The following UTRN variants were observed in gnomAD, a reference collection of about 807,000 sequenced individuals.
UTRN encodes utrophin, also known as dystrophin-related protein 1.
UTRN carries 283 observed loss-of-function variants against 463.9 expected under a neutral mutation model. The observed-to-expected ratio is 0.61, with a 90% confidence interval of 0.55 to 0.67. The LOEUF (loss-of-function observed/expected upper bound fraction) is 0.67, where lower values mean the gene tolerates loss of function less well. Ranked by LOEUF, UTRN falls within the 30% of genes least tolerant of loss-of-function variation. UTRN has a pLI of 0.00. For missense variants in UTRN, 3,922 were observed against 4,084.3 expected (o/e 0.96, Z 1.08); for synonymous variants, 1,442 against 1,431.5 (o/e 1.01, Z -0.17).
At chr6:144,417,409 T>C (rs1784444666) in intron 3 of UTRN, among the ~76,000 whole-genome samples, 1 of 152,206 alleles carries the variant, frequency 6.6e-6, no homozygotes, top group African/African-American at 2.4e-5. Context: ...CCACATCAGT[T>C]TCTTCGCCTG....
chr6:144,569,848 C>A (rs373610732), intron 50 of UTRN, among the ~76,000 whole-genome samples: 1 of 152,066 alleles, frequency 6.6e-6, no homozygotes, highest in Admixed American at 6.6e-5. Flanking sequence ...TGTGATTTGA[C>A]GACTTTACCT....
At chr6:144,416,012 C>T (rs1412506938) in intron 3 of UTRN, among the ~76,000 whole-genome samples, 1 of 151,890 alleles carries the variant, frequency 6.6e-6, no homozygotes, top group African/African-American at 2.4e-5. Flanking sequence ...GATGTATTTG[C>T]AATTAATCAT....
chr6:144,748,126 G>A lies in UTRN; in HGVS notation c.7940-120G>A. ...CTTACCCTGGACAATTTTTACCCTG[G>A]AGTAATTTTTTCTTACTTTTTCTCC... On this transcript the variant is annotated intron_variant, in intron 54 of 74. Coordinates refer to ENST00000367545, the MANE Select transcript of UTRN (RefSeq NM_007124.3). 4.7e-6 allele frequency: 6 copies of A among 1,286,580 alleles called. No homozygotes were observed. In the South Asian group the frequency reaches 8.2e-5, roughly 18 times the overall value. 79.7% of individuals were successfully genotyped at this position (1,286,580 alleles called of 1,614,324 possible). A position where few individuals can be genotyped will look rare whatever the true frequency, so the allele number is the denominator to read the frequency against.
At chr6:144,337,694 A>G (rs534085348) in intron 2 of UTRN, among the ~76,000 whole-genome samples, 43 of 152,216 alleles carry the variant, frequency 2.8e-4, no homozygotes, top group Admixed American at 2.1e-3. Flanking sequence ...AGCCCACTGC[A>G]ACCTCTGCCT....
intron 23 of UTRN, among the ~76,000 whole-genome samples, chr6:144,471,825 A>G (rs1790690870): frequency 6.6e-6 from 1 of 152,262 alleles, no homozygotes; most frequent in Non-Finnish European, 1.5e-5. Flanking sequence ...AGAAGTGCTT[A>G]GACAGGATGG....
intron 2 of UTRN, among the ~76,000 whole-genome samples, chr6:144,317,239 A>G (rs1775338978): frequency 6.6e-6 from 1 of 152,178 alleles, no homozygotes; most frequent in Non-Finnish European, 1.5e-5. Context: ...CTTCAGCTAC[A>G]TGTGATAATC....
intron 51 of UTRN, among the ~76,000 whole-genome samples, chr6:144,589,377 A>G (rs1051136141): frequency 1.5e-4 from 23 of 152,184 alleles, no homozygotes; most frequent in African/African-American, 5.5e-4. Flanking sequence ...ACAATATTAT[A>G]TTATCTTGTG....
rs147813824 is a variant in UTRN at position 144,431,526 on chromosome 6, C to T, written c.855+1785C>T. ...CTGCCCTGTTCTTTCTACAAACATA[C>T]GCTGGTGGTCAATGAATAATTCCTG... On this transcript the variant is annotated intron_variant, in intron 9 of 74. Coordinates refer to ENST00000367545, the MANE Select transcript of UTRN (RefSeq NM_007124.3). Among the ~76,000 whole-genome samples, 380 of 152,322 alleles carry T rather than the reference C, an allele frequency of 2.5e-3. 2 individuals carry two copies. The highest frequency in any genetic ancestry group is 8.5e-3 in the African/African-American group (353 of 41,570).
At chr6:144,300,385 C>T (rs1005697307) in intron 2 of UTRN, among the ~76,000 whole-genome samples, 14 of 152,170 alleles carry the variant, frequency 9.2e-5, no homozygotes, top group Non-Finnish European at 1.0e-4. Flanking sequence ...CCATGGTTCC[C>T]GGCCTCTTGT....
intron 58 of UTRN, among the ~76,000 whole-genome samples, chr6:144,768,955 TTTG>T (rs1793678843): frequency 1.0e-4 from 13 of 127,854 alleles, no homozygotes; most frequent in African/African-American, 2.8e-4. Flanking sequence ...TTTGTTTTGT[TTTG>T]TTTTTTTTTT....
chr6:144,543,653 A>G (rs1401843783), intron 46 of UTRN, among the ~76,000 whole-genome samples: 4 of 150,576 alleles, frequency 2.7e-5, no homozygotes, highest in Admixed American at 2.0e-4. Flanking sequence ...TCCACCTTCT[A>G]CTTTCTACCT....
rs554652296 is a variant in UTRN at position 144,524,886 on chromosome 6, A to G, written c.5906+1698A>G. Among the ~76,000 whole-genome samples, 12 of 152,304 alleles carry G rather than the reference A, an allele frequency of 7.9e-5. No homozygotes were observed. The East Asian group carries it at 2.3e-3, about 29-fold the overall frequency. ...TGTTCCTTCTATGCCAATTTTGCTG[A>G]GAATTTTAATCATAAAGGGATGCTA... On this transcript the variant is annotated intron_variant, in intron 41 of 74. Transcript: ENST00000367545.
chr6:144,388,456 G>T (rs945535902), intron 2 of UTRN, among the ~76,000 whole-genome samples: 22 of 149,274 alleles, frequency 1.5e-4, no homozygotes, highest in African/African-American at 5.6e-4. Context: ...GGGACTACAG[G>T]TGTGGACCAT....
At chr6:144,381,674 C>T (rs545148892) in intron 2 of UTRN, among the ~76,000 whole-genome samples, 3 of 152,274 alleles carry the variant, frequency 2.0e-5, no homozygotes, top group South Asian at 2.1e-4. Flanking sequence ...TATAAAGAGG[C>T]GTTTCCCTGC....
At position 144,513,379 on chromosome 6, in the gene UTRN, G is replaced by A. The variant is rs981321778; in HGVS notation, c.4945-530G>A. ...TTCCTGGCCAACATGGTGAAACCCC[G>A]TCTCTACTAAAAATACAAAAATTAG... is the stretch of plus-strand genomic sequence containing the variant. On this transcript the variant is annotated intron_variant, in intron 35 of 74. Coordinates refer to ENST00000367545, the MANE Select transcript of UTRN (RefSeq NM_007124.3). Among the ~76,000 whole-genome samples the A allele has an allele frequency of 2.4e-4, 36 of 152,088 alleles. 1 individual carries two copies. Among genetic ancestry groups the A allele is most frequent in the Middle Eastern group, 6.8e-3 (2 of 294 alleles).
At chr6:144,667,611 C>T (rs1159332146) in intron 51 of UTRN, among the ~76,000 whole-genome samples, 1 of 152,158 alleles carries the variant, frequency 6.6e-6, no homozygotes, top group Non-Finnish European at 1.5e-5. Context: ...AAAATCATTG[C>T]AAAACACTAT....
intron 42 of UTRN, among the ~76,000 whole-genome samples, chr6:144,532,187 G>A (rs1465392982): frequency 6.6e-6 from 1 of 151,998 alleles, no homozygotes; most frequent in Non-Finnish European, 1.5e-5. Flanking sequence ...TCTTATTTTT[G>A]GAGTTACAGA....
At chr6:144,292,007 G>A in intron 2 of UTRN, 100 bp downstream of exon 2, 1 of 1,179,428 alleles carries the variant, frequency 8.5e-7, no homozygotes, top group Non-Finnish European at 1.2e-6. Context: ...ACTTCTTGGA[G>A]GTGAAGTTCT....
At chr6:144,748,098 TTTC>T (rs1790959838) in intron 54 of UTRN, 145 bp from the exon 55 acceptor site, 2 of 982,636 alleles carry the variant, frequency 2.0e-6, no homozygotes, top group South Asian at 3.8e-5. Flanking sequence ...GGAGAAATTC[TTTC>T]TTACCCTGGA....
Sources: gnomAD v4.1 joint callset for allele counts (sites outside exome capture counted in the v4.1 genomes callset) on GRCh38, gnomAD v4.1.1 for gene constraint, MANE v1.5 for transcripts, NCBI Gene and HGNC (gene_info 2026-07-23, HGNC 2026-07-21) for gene names.